The following MPRIP variants were observed in gnomAD, a reference collection of about 807,000 sequenced individuals.
MPRIP encodes myosin phosphatase Rho interacting protein.
In MPRIP, 59 loss-of-function variants were observed where a neutral mutation model predicts 234.9. That is an observed-to-expected ratio of 0.25 (90% CI 0.20 to 0.31). The LOEUF is 0.31. Among genes scored for constraint, MPRIP ranks in the 10% least tolerant of loss-of-function variants. MPRIP has a pLI of 1.00. For synonymous variants in MPRIP, 1,144 were observed against 1,263.9 expected, an observed-to-expected ratio of 0.91 and a Z score of 2.01; for missense variants, 2,436 against 3,071.0, an observed-to-expected ratio of 0.79 and a Z score of 4.89.
intron 3 of MPRIP, among the ~76,000 whole-genome samples, chr17:17,086,901 C>G (rs2089604505): frequency 1.3e-5 from 2 of 152,162 alleles, no homozygotes; most frequent in African/African-American, 2.4e-5. Context: ...TAAGCCCCCT[C>G]CCTTCCTTTT....
At chr17:17,139,522 G>A (rs1426080189) in intron 7 of MPRIP, among the ~76,000 whole-genome samples, 1 of 152,202 alleles carries the variant, frequency 6.6e-6, no homozygotes, top group Non-Finnish European at 1.5e-5. Context: ...TCTTCTCAGA[G>A]TGTCCTCCCT....
intron 6 of MPRIP, 29 bp from the exon 7 acceptor site, chr17:17,137,887 C>G: frequency 6.5e-7 from 1 of 1,532,802 alleles, no homozygotes; most frequent in Non-Finnish European, 8.8e-7. Context: ...AGGCTGAGTG[C>G]GTCTCCTCCC....
chr17:17,143,546 T>C lies in MPRIP; in HGVS notation c.1390-10T>C. The C allele has an allele frequency of 3.2e-6, 5 of 1,577,070 alleles. No individual in the cohort carries two copies. The highest frequency in any genetic ancestry group is 4.3e-6 in the Non-Finnish European group (5 of 1,156,394). ...GGGCTGCACTGACCAGCGGCTGCTC[T>C]CTGCCACAGGACTTCACCAATGAAG... On this transcript the variant is annotated splice_polypyrimidine_tract_variant and intron_variant, in intron 8 of 23. Coordinates refer to ENST00000651222, the MANE Select transcript of MPRIP (RefSeq NM_001364716.4).
chr17:17,073,783 G>A (rs866920140), intron 1 of MPRIP, among the ~76,000 whole-genome samples: 1 of 152,182 alleles, frequency 6.6e-6, no homozygotes. Context: ...GCTGGAGTTC[G>A]TAGAGAGCAC....
chr17:17,131,277 C>T (rs2090591154), intron 4 of MPRIP, among the ~76,000 whole-genome samples: 1 of 152,206 alleles, frequency 6.6e-6, no homozygotes, highest in Admixed American at 6.5e-5. Context: ...GGGCACAGCT[C>T]GTCTGTACTC....
chr17:17,042,872 G>A lies in MPRIP; in HGVS notation c.24G>A (p.Pro8=), dbSNP rs759763764. 42 of 1,601,804 alleles carry A rather than the reference G, an allele frequency of 2.6e-5. No individual in the cohort carries two copies. Among genetic ancestry groups the A allele is most frequent in the Non-Finnish European group, 3.5e-5 (41 of 1,174,964 alleles). MSAAKEN[P]CRKFQANIFN... is the part of the protein sequence containing the mutation. ...CCATGTCGGCAGCCAAGGAGAACCC[G>A]TGCAGGAAATTCCAGGCCAACATCT... The change falls in exon 1 of 24, where the codon CCG becomes CCA. Residue 8 remains proline, a synonymous_variant. Coordinates refer to ENST00000651222, the MANE Select transcript of MPRIP (RefSeq NM_001364716.4).
intron 1 of MPRIP, among the ~76,000 whole-genome samples, chr17:17,051,988 C>T (rs2088557124): frequency 6.6e-6 from 1 of 152,274 alleles, no homozygotes; most frequent in African/African-American, 2.4e-5. Context: ...CTTTGAACCT[C>T]TACCTACTAT....
rs2046474478 is a variant in MPRIP at position 17,186,335 on chromosome 17, C to T, written c.*1441C>T. The T allele has an allele frequency of 6.6e-6, 1 of 152,196 alleles. No homozygotes were observed. The highest frequency in any genetic ancestry group is 2.4e-5 in the African/African-American group (1 of 41,440). The allele number at this position is 152,196 out of a possible 1,614,324, so 9.4% of individuals were successfully genotyped here. ...GTCATGAGCAAGGCCATCAGTGGAG[C>T]TCTGGCCCCGCCCCCAATGTGCAGA... On this transcript the variant is annotated 3_prime_UTR_variant, in exon 24 of 24. Transcript: ENST00000651222.
chr17:17,140,041 A>T (rs1279895086), intron 7 of MPRIP, among the ~76,000 whole-genome samples: 3 of 152,234 alleles, frequency 2.0e-5, no homozygotes, highest in Non-Finnish European at 4.4e-5. Flanking sequence ...CCATCCTGTG[A>T]TCCAGGACTG....
intron 3 of MPRIP, among the ~76,000 whole-genome samples, chr17:17,114,199 A>G (rs955613300): frequency 6.6e-6 from 1 of 152,010 alleles, no homozygotes; most frequent in Non-Finnish European, 1.5e-5. Context: ...GACGTCAGGC[A>G]CCTTTTTATG....
At chr17:17,157,484 G>T (rs778191178) in intron 13 of MPRIP, among the ~76,000 whole-genome samples, 4 of 152,144 alleles carry the variant, frequency 2.6e-5, no homozygotes, top group Non-Finnish European at 4.4e-5. Context: ...CCCTTAGGAG[G>T]TCCCAGTCTT....
chr17:17,058,394 C>T (rs1013937377), intron 1 of MPRIP, among the ~76,000 whole-genome samples: 1 of 149,420 alleles, frequency 6.7e-6, no homozygotes, highest in Non-Finnish European at 1.5e-5. Context: ...GAGGGGAGCT[C>T]CAGGGCCGTG....
chr17:17,075,641 G>C, intron 1 of MPRIP, 69 bp from the exon 2 acceptor site: 2 of 1,365,934 alleles, frequency 1.5e-6, no homozygotes, highest in Non-Finnish European at 2.1e-6. Context: ...AGTGCTTGCT[G>C]TTAACTTGAC....
intron 15 of MPRIP, among the ~76,000 whole-genome samples, chr17:17,162,294 C>T (rs894745472): frequency 2.0e-5 from 3 of 152,190 alleles, no homozygotes; most frequent in Non-Finnish European, 4.4e-5. Flanking sequence ...TCCCTGAGGG[C>T]CCTTCCGGCT....
At chr17:17,182,818 A>G (rs1469912525) in intron 23 of MPRIP, 1 of 152,286 alleles carries the variant, frequency 6.6e-6, no homozygotes, top group Non-Finnish European at 1.5e-5. Flanking sequence ...GGAGTGATCA[A>G]ACTCACTACA....
At chr17:17,113,865 ATTTTCTTTTC>A (rs796825940) in intron 3 of MPRIP, among the ~76,000 whole-genome samples, 9 of 126,724 alleles carry the variant, frequency 7.1e-5, no homozygotes, top group African/African-American at 2.7e-4. Context: ...TGTGATTTGC[ATTTTCTTTTC>A]TTTTCTTTTC....
intron 3 of MPRIP, among the ~76,000 whole-genome samples, chr17:17,113,880 C>CTTTTTTTTTTTTTTTTTTTTTTTTT (rs1236846171): frequency 1.1e-5 from 1 of 93,230 alleles, no homozygotes; most frequent in African/African-American, 5.3e-5. Flanking sequence ...CTTTTCTTTT[C>CTTTTTTTTTTTTTTTTTTTTTTTTT]TTTTCTTTTT....
Position 17,171,870 on chromosome 17 carries a change from G to C in MPRIP, c.6472+5G>C, listed in dbSNP as rs553786886. The C allele has an allele frequency of 2.5e-6, 4 of 1,612,170 alleles. No individual in the cohort carries two copies. The highest frequency in any genetic ancestry group is 3.4e-6 in the Non-Finnish European group (4 of 1,179,576). Reference sequence around the variant, plus strand: ...AGACAGCGGCCACCATCTCAGGTTGGGGGGTGGGGTAACCCTGAGGGCAGG... The same window carrying C: ...AGACAGCGGCCACCATCTCAGGTTGCGGGGTGGGGTAACCCTGAGGGCAGG... On this transcript the variant is annotated splice_donor_5th_base_variant and intron_variant, in intron 17 of 23. Coordinates refer to ENST00000651222, the MANE Select transcript of MPRIP (RefSeq NM_001364716.4).
chr17:17,048,059 C>T (rs865855805), intron 1 of MPRIP, among the ~76,000 whole-genome samples: 3 of 151,764 alleles, frequency 2.0e-5, no homozygotes, highest in Non-Finnish European at 2.9e-5. Flanking sequence ...GGTGATGTCT[C>T]TTTCTCCTGC....
Sources: allele counts gnomAD v4.1 joint callset (sites outside exome capture counted in the v4.1 genomes callset), GRCh38; gene constraint gnomAD v4.1.1; transcripts MANE v1.5; gene names NCBI Gene and HGNC (gene_info 2026-07-23, HGNC 2026-07-21).